Variants in ZNF609 observed in about 807,000 individuals in gnomAD.
ZNF609 encodes the protein zinc finger protein 609.
Under a neutral mutation model 109.5 loss-of-function variants are expected in ZNF609, and 11 were observed. That is an observed-to-expected ratio of 0.10 (90% CI 0.06 to 0.17). ZNF609 has a LOEUF of 0.17. Ranked by LOEUF, ZNF609 falls within the 10% of genes least tolerant of loss-of-function variation. The probability of loss-of-function intolerance (pLI) is 1.00; values close to 1 mark genes in which losing one functional copy is unlikely to be tolerated. For synonymous variants in ZNF609, 646 were observed against 662.0 expected, an observed-to-expected ratio of 0.98 and a Z score of 0.37; for missense variants, 1,559 against 1,772.4, an observed-to-expected ratio of 0.88 and a Z score of 2.16.
chr15:64,527,616 A>G (rs901290584), intron 2 of ZNF609, among the ~76,000 whole-genome samples: 3 of 152,150 alleles, frequency 2.0e-5, no homozygotes, highest in African/African-American at 7.2e-5. Context: ...CTTCAAATTC[A>G]CAAAGTTCAA....
At chr15:64,529,741 CTT>C (rs1428575036) in intron 2 of ZNF609, 1 of 588,626 alleles carries the variant, frequency 1.7e-6, no homozygotes, top group Non-Finnish European at 3.2e-6. Context: ...GGAGCAGAGA[CTT>C]TTTTGAGACG....
intron 2 of ZNF609, among the ~76,000 whole-genome samples, chr15:64,535,521 G>A (rs909954735): frequency 2.0e-5 from 3 of 152,202 alleles, no homozygotes; most frequent in East Asian, 3.9e-4. Flanking sequence ...TACCATATAC[G>A]TGTTGGAGGT....
rs974170822 is a variant in ZNF609, at chr15:64,644,318, C to G, written c.973+21266C>G. ...GTCAACATATAGCAAGACCTCATCT[C>G]TACAAAAAAAAATTTAAAAATTAGC... On this transcript the variant is annotated intron_variant, in intron 3 of 9. Coordinates refer to ENST00000326648, the MANE Select transcript of ZNF609 (RefSeq NM_015042.2). Among the ~76,000 whole-genome samples the G allele has an allele frequency of 7.8e-4, 118 of 151,520 alleles. 1 individual carries two copies. The highest frequency in any genetic ancestry group is 2.2e-4 in the Non-Finnish European group (15 of 67,898).
At chr15:64,637,994 T>TTATATATATA (rs3057845) in intron 3 of ZNF609, among the ~76,000 whole-genome samples, 28 of 134,348 alleles carry the variant, frequency 2.1e-4, no homozygotes, top group African/African-American at 5.6e-4. Flanking sequence ...GAACCTTGTT[T>TTATATATATA]TATATATATA....
At chr15:64,541,194 G>A (rs1386372045) in intron 2 of ZNF609, among the ~76,000 whole-genome samples, 1 of 151,018 alleles carries the variant, frequency 6.6e-6, no homozygotes, top group East Asian at 2.0e-4. Context: ...TTGGGAGGCT[G>A]AGGCCGGCGG....
At chr15:64,540,159 C>T (rs572697480) in intron 2 of ZNF609, among the ~76,000 whole-genome samples, 13 of 152,266 alleles carry the variant, frequency 8.5e-5, no homozygotes, top group Admixed American at 3.9e-4. Flanking sequence ...CCCATCTTCC[C>T]GCATCTTCAT....
At position 64,676,247 on chromosome 15, in the gene ZNF609, G is replaced by C. The variant is rs1425364338; in HGVS notation, c.3393G>C (p.Trp1131Cys). ...AGGCAGAGATGGATCCAATACTCTGGTACCGACAGGTAACTGTTGCCCTGG... is the reference window on the plus strand; with the variant it reads ...AGGCAGAGATGGATCCAATACTCTGCTACCGACAGGTAACTGTTGCCCTGG... ...GRQAEMDPILWYRQEAEPRMW... is the reference protein window; with the variant it reads ...GRQAEMDPILCYRQEAEPRMW... Residue 1131 changes from tryptophan to cysteine, a missense_variant, in exon 5 of 10, where the codon TGG (tryptophan) becomes TGC (cysteine). Coordinates refer to ENST00000326648, the MANE Select transcript of ZNF609 (RefSeq NM_015042.2). 1 of 1,599,304 alleles carries C rather than the reference G, an allele frequency of 6.3e-7. No homozygotes were observed. The highest frequency in any genetic ancestry group is 1.3e-5 in the African/African-American group (1 of 74,154).
chr15:64,594,432 A>T (rs1895356219), intron 2 of ZNF609, among the ~76,000 whole-genome samples: 2 of 151,684 alleles, frequency 1.3e-5, no homozygotes, highest in Admixed American at 1.3e-4. Context: ...TCCTGAGCTC[A>T]GGTGATCCTC....
In ZNF609 at chr15:64,484,746, C is replaced by T. The variant is rs1245890003; in HGVS notation, c.-127-14547C>T. 5.7e-5 allele frequency among the ~76,000 whole-genome samples: 8 copies of T among 139,872 alleles called. 1 individual carries two copies. The highest frequency in any genetic ancestry group is 4.3e-4 in the East Asian group (2 of 4,608). The allele number at this position is 139,872 out of a possible 152,430, so 91.8% of individuals were successfully genotyped here. A position where few individuals can be genotyped will look rare whatever the true frequency, so the allele number is the denominator to read the frequency against. On this transcript the variant is annotated intron_variant, in intron 1 of 9. Transcript: ENST00000326648. The stretch of plus-strand genomic sequence containing the variant: ...ATCCCAGCACTTTGGGAGGCCGAGG[C>T]GGGCGGATCATGAGGTCATGAGATC...
At chr15:64,613,878 C>T (rs373438973) in intron 2 of ZNF609, among the ~76,000 whole-genome samples, 1 of 151,278 alleles carries the variant, frequency 6.6e-6, no homozygotes, top group Non-Finnish European at 1.5e-5. Flanking sequence ...AATTTTGTCT[C>T]AAAATTCCAG....
intron 2 of ZNF609, among the ~76,000 whole-genome samples, chr15:64,548,666 G>A (rs1215343289): frequency 1.3e-5 from 2 of 152,136 alleles, no homozygotes; most frequent in Non-Finnish European, 2.9e-5. Context: ...TACTTGGGAG[G>A]CTAAAGTAGG....
intron 2 of ZNF609, among the ~76,000 whole-genome samples, chr15:64,549,854 C>T (rs542000362): frequency 2.0e-5 from 3 of 152,318 alleles, no homozygotes; most frequent in East Asian, 1.9e-4. Context: ...GGTGCAATCA[C>T]AGCTCATTGC....
At chr15:64,619,094 C>T (rs1480258034) in intron 2 of ZNF609, among the ~76,000 whole-genome samples, 1 of 152,234 alleles carries the variant, frequency 6.6e-6, no homozygotes, top group African/African-American at 2.4e-5. Context: ...TCACTCCTAC[C>T]TCAGCGTCCC....
chr15:64,569,104 G>A (rs774839433), intron 2 of ZNF609, among the ~76,000 whole-genome samples: 2 of 151,968 alleles, frequency 1.3e-5, no homozygotes, highest in Non-Finnish European at 2.9e-5. Flanking sequence ...GATACAAATG[G>A]GCCCTTGCTA....
At position 64,523,772 on chromosome 15, in the gene ZNF609, AAAG is replaced by A. The variant is rs1433822751; in HGVS notation, c.747+23609_747+23611del. ...AGCAAGACTCCATCTCAAAAAAAAA[AAAG>A]AAAAGAAAATCTTCTATGTTATAAA... On this transcript the variant is annotated intron_variant, in intron 2 of 9. Coordinates refer to ENST00000326648, the MANE Select transcript of ZNF609 (RefSeq NM_015042.2). Among the ~76,000 whole-genome samples, 7 of 152,014 alleles carry A rather than the reference AAAG, an allele frequency of 4.6e-5. No individual in the cohort carries two copies. The South Asian group carries it at 8.3e-4, about 18-fold the overall frequency.
intron 2 of ZNF609, among the ~76,000 whole-genome samples, chr15:64,528,106 T>G (rs1893997012): frequency 6.8e-6 from 1 of 147,688 alleles, no homozygotes; most frequent in Admixed American, 6.7e-5. Flanking sequence ...CCTGGCTCCT[T>G]TTTTTTTTTG....
At chr15:64,459,804 A>C (rs1382128264), upstream of ZNF609, among the ~76,000 whole-genome samples, 2 of 152,182 alleles carry the variant, frequency 1.3e-5, no homozygotes, top group East Asian at 3.8e-4. Context: ...GGGAGGGCTC[A>C]CTTAAACATG....
intron 2 of ZNF609, among the ~76,000 whole-genome samples, chr15:64,600,138 C>T (rs1393566094): frequency 1.3e-5 from 2 of 152,108 alleles, no homozygotes; most frequent in Non-Finnish European, 2.9e-5. Flanking sequence ...GCCAACACAG[C>T]GAAACCCCAT....
intron 3 of ZNF609, among the ~76,000 whole-genome samples, chr15:64,663,356 G>C (rs1196860440): frequency 6.6e-6 from 1 of 152,162 alleles, no homozygotes; most frequent in African/African-American, 2.4e-5. Context: ...ACACCTAGAA[G>C]GATGTACACA....
Sources: allele counts gnomAD v4.1 joint callset (sites outside exome capture counted in the v4.1 genomes callset), GRCh38; gene constraint gnomAD v4.1.1; transcripts MANE v1.5; gene names NCBI Gene and HGNC (gene_info 2026-07-23, HGNC 2026-07-21).